TULP4: variants seen among roughly 807,000 people sequenced by gnomAD.
TULP4 encodes the protein tubby-related protein 4.
A neutral mutation model predicts 129.0 loss-of-function variants in TULP4; 16 were observed. The observed-to-expected ratio is 0.12, with a 90% CI of 0.08 to 0.19. The LOEUF (loss-of-function observed/expected upper bound fraction) is 0.19. TULP4 is among the 10% of genes least tolerant of loss of function. The pLI, the probability that TULP4 is intolerant of heterozygous loss-of-function variation, is 1.00. For synonymous variants in TULP4, 998 were observed against 854.0 expected (o/e 1.17, Z -2.94); for missense variants, 1,842 against 2,059.1 (o/e 0.89, Z 2.04).
chr6:158,461,740 T>C lies in TULP4; in HGVS notation c.1026+11T>C, dbSNP rs372818165. ...GACACTCTCGTGCAGGTAAGGATGTTCTCTGGAAACAAGTACATTTTCAGC... is the reference window on the plus strand; with the variant it reads ...GACACTCTCGTGCAGGTAAGGATGTCCTCTGGAAACAAGTACATTTTCAGC... On this transcript the variant is annotated intron_variant, in intron 6 of 13. Transcript: ENST00000367097. 3.1e-6 allele frequency: 5 copies of C among 1,611,228 alleles called. No individual in the cohort carries two copies. The African/African-American group carries it at 5.3e-5, about 17-fold the overall frequency.
intron 1 of TULP4, among the ~76,000 whole-genome samples, chr6:158,352,323 A>C (rs1456654254): frequency 6.6e-6 from 1 of 152,180 alleles, no homozygotes; most frequent in African/African-American, 2.4e-5. Context: ...GTGGTTTATC[A>C]AGTTTTAGTT....
chr6:158,236,775 GGTAAATGCCCAATT>G (rs1562489152), intron 1 of TULP4, among the ~76,000 whole-genome samples: 3 of 136,870 alleles, frequency 2.2e-5, no homozygotes, highest in African/African-American at 8.1e-5. Context: ...TACCAAGATG[GGTAAATGCCCAATT>G]CTTTTCTTTT....
At chr6:158,470,419 A>G (rs1373113088) in intron 6 of TULP4, among the ~76,000 whole-genome samples, 1 of 152,234 alleles carries the variant, frequency 6.6e-6, no homozygotes, top group East Asian at 1.9e-4. Flanking sequence ...GCCTGGGTTT[A>G]TATCCCGATC....
intron 1 of TULP4, among the ~76,000 whole-genome samples, chr6:158,360,770 C>G (rs578116927): frequency 6.6e-6 from 1 of 152,158 alleles, no homozygotes; most frequent in East Asian, 1.9e-4. Context: ...AAGTGAAACC[C>G]TACCCAATAA....
chr6:158,365,875 C>CTTTTTTTTTTTTTTTGTTTTTTTTTTT (rs765731288), intron 1 of TULP4, among the ~76,000 whole-genome samples: 1 of 71,146 alleles, frequency 1.4e-5, no homozygotes, highest in African/African-American at 5.5e-5. Flanking sequence ...GTTCGTTTTT[C>CTTTTTTTTTTTTTTTGTTTTTTTTTTT]TTTTTTTTTT....
chr6:158,481,469 T>A (rs1222545452), intron 8 of TULP4, 180 bp downstream of exon 8: 3 of 647,592 alleles, frequency 4.6e-6, no homozygotes, highest in African/African-American at 3.6e-5. Flanking sequence ...GTTCTCTAAA[T>A]GTACTTTTTG....
chr6:158,511,250 G>T lies in TULP4; in HGVS notation c.*4556G>T, dbSNP rs959118078. 1.3e-5 allele frequency: 2 copies of T among 152,606 alleles called. No homozygotes were observed. The highest frequency in any genetic ancestry group is 4.8e-5 in the African/African-American group (2 of 41,428). The allele number at this position is 152,606 out of a possible 1,614,324, so 9.5% of individuals were successfully genotyped here. On this transcript the variant is annotated 3_prime_UTR_variant, in exon 14 of 14. Transcript: ENST00000367097. ...TTTTTCGTGTTGTAGAAAAGCATGG[G>T]TTATGCGTTTGACTGAAAAAGACAC...
At chr6:158,367,094 G>C (rs575233194) in intron 1 of TULP4, among the ~76,000 whole-genome samples, 1 of 152,164 alleles carries the variant, frequency 6.6e-6, no homozygotes, top group East Asian at 1.9e-4. Context: ...GGTCCTGTTG[G>C]CTCCAAGACC....
intron 1 of TULP4, among the ~76,000 whole-genome samples, chr6:158,303,584 G>C (rs1779164598): frequency 6.6e-6 from 1 of 152,132 alleles, no homozygotes; most frequent in Non-Finnish European, 1.5e-5. Flanking sequence ...ACAAGGCAAA[G>C]GGCAAAAGCA....
At chr6:158,376,886 T>G (rs1777203336) in intron 1 of TULP4, among the ~76,000 whole-genome samples, 1 of 152,214 alleles carries the variant, frequency 6.6e-6, no homozygotes, top group African/African-American at 2.4e-5. Context: ...GCTGAGGGAC[T>G]CAGGGCAGCT....
At chr6:158,319,849 T>G (rs9347229) in intron 1 of TULP4, among the ~76,000 whole-genome samples, 131,139 of 152,160 alleles carry the variant, frequency 0.86, 56,925 homozygotes, top group South Asian at 0.93. Context: ...TTGCCAGAGT[T>G]AAACATATAG....
upstream of TULP4, among the ~76,000 whole-genome samples, chr6:158,280,833 G>A (rs945185617): frequency 2.6e-5 from 4 of 152,232 alleles, no homozygotes; most frequent in African/African-American, 4.8e-5. Flanking sequence ...ATTCTGCTTA[G>A]CACAGTGCCT....
intron 1 of TULP4, among the ~76,000 whole-genome samples, chr6:158,262,274 G>C (rs1481485775): frequency 6.6e-6 from 1 of 152,214 alleles, no homozygotes; most frequent in African/African-American, 2.4e-5. Flanking sequence ...TCCTTTGTAG[G>C]TTGGCGCAGC....
Position 158,253,635 on chromosome 6 carries a change from T to G in TULP4, n.68+21332T>G, listed in dbSNP as rs569957773. On this transcript the variant is annotated intron_variant and non_coding_transcript_variant, in intron 1 of 1. Transcript: ENST00000620026. Reference sequence around the variant, plus strand: ...CTCATGGGTGACCAGTAGTAGCTTCTATTTGTGCATTCAAATAATCTCCCC... The same window carrying G: ...CTCATGGGTGACCAGTAGTAGCTTCGATTTGTGCATTCAAATAATCTCCCC... Among the ~76,000 whole-genome samples, 5 of 151,916 alleles carry G rather than the reference T, an allele frequency of 3.3e-5. No individual in the cohort carries two copies. In the South Asian group the frequency reaches 1.0e-3, roughly 31 times the overall value.
At chr6:158,496,383 C>T (rs1780338202) in intron 11 of TULP4, among the ~76,000 whole-genome samples, 1 of 152,244 alleles carries the variant, frequency 6.6e-6, no homozygotes, top group Non-Finnish European at 1.5e-5. Flanking sequence ...AGACCTATTG[C>T]TATGAGGCAT....
rs1779425109 is a variant in TULP4, at chr6:158,313,921, G to A, written c.-96G>A. On this transcript the variant is annotated 5_prime_UTR_variant, in exon 1 of 14. Transcript: ENST00000367097. Reference sequence around the variant, plus strand: ...TTAAAGGGGGAAAAAAGCAACGCAAGCCAACCACAAAAACACATATACCAA... The same window carrying A: ...TTAAAGGGGGAAAAAAGCAACGCAAACCAACCACAAAAACACATATACCAA... The A allele has an allele frequency of 6.9e-7, 1 of 1,452,670 alleles. No individual in the cohort carries two copies. Among genetic ancestry groups the A allele is most frequent in the African/African-American group, 1.4e-5 (1 of 70,718 alleles). 90.0% of individuals were successfully genotyped at this position (1,452,670 alleles called of 1,614,324 possible). A position where few individuals can be genotyped will look rare whatever the true frequency, so the allele number is the denominator to read the frequency against.
intron 3 of TULP4, among the ~76,000 whole-genome samples, chr6:158,444,587 T>A (rs974968680): frequency 5.9e-5 from 9 of 152,140 alleles, no homozygotes; most frequent in African/African-American, 1.7e-4. Context: ...ACAATTTAGA[T>A]GTGTAGGGTC....
intron 1 of TULP4, among the ~76,000 whole-genome samples, chr6:158,232,590 GC>G (rs1777617916): frequency 6.6e-6 from 1 of 152,116 alleles, no homozygotes; most frequent in Non-Finnish European, 1.5e-5. Flanking sequence ...AAAGCTGAGC[GC>G]GGGGCGGGCG....
rs1484213467 is a variant in TULP4, at chr6:158,237,986, T to G, written n.68+5683T>G. The G allele has an allele frequency of 9.7e-6, 7 of 724,744 alleles. No homozygotes were observed. In the Admixed American group the frequency reaches 1.1e-4, roughly 11 times the overall value. 44.9% of individuals were successfully genotyped at this position (724,744 alleles called of 1,614,324 possible). The stretch of plus-strand genomic sequence containing the variant: ...TTGAGCTTGAAGTTTGCAGCTTCTT[T>G]TATCAAGGACAAATGAGCAGGAGAT... On this transcript the variant is annotated intron_variant and non_coding_transcript_variant, in intron 1 of 1. Coordinates refer to the TULP4 transcript ENST00000620026.
Sources: gnomAD v4.1 joint callset for allele counts (sites outside exome capture counted in the v4.1 genomes callset) on GRCh38, gnomAD v4.1.1 for gene constraint, MANE v1.5 for transcripts, NCBI Gene and HGNC (gene_info 2026-07-23, HGNC 2026-07-21) for gene names.